The following FOXN3 variants were observed in gnomAD, a reference collection of about 807,000 sequenced individuals.
FOXN3 encodes the protein forkhead box protein N3.
In FOXN3, 7 loss-of-function variants were observed where a neutral mutation model predicts 38.4. The ratio of observed to expected loss-of-function variants is 0.18; its 90% CI spans 0.10 to 0.34. The LOEUF (loss-of-function observed/expected upper bound fraction) is 0.34, where lower values mean the gene tolerates loss of function less well. Ranked by LOEUF, FOXN3 falls within the 10% of genes least tolerant of loss-of-function variation. The pLI is 1.00. For synonymous variants in FOXN3, 230 were observed against 242.2 expected (o/e 0.95, Z 0.47); for missense variants, 456 against 613.4 (o/e 0.74, Z 2.71).
intron 5 of FOXN3, among the ~76,000 whole-genome samples, chr14:89,178,889 G>A (rs2139793364): frequency 6.6e-6 from 1 of 152,320 alleles, no homozygotes; most frequent in East Asian, 1.9e-4. Context: ...TAAACTGTAA[G>A]TCTATATTTA....
Position 89,548,824 on chromosome 14 carries a change from G to A in FOXN3, c.-15+70204C>T, listed in dbSNP as rs1341038296. On this transcript the variant is annotated intron_variant, in intron 1 of 6. Coordinates refer to the FOXN3 transcript ENST00000345097. The surrounding 1 kb of genome is among the most constrained non-coding windows in gnomAD (Gnocchi z 4.8). Reference sequence around the variant, plus strand: ...GAGAAATATCAGAACAAGGTATTCAGTTTTTTATAATGTGCCGGGCGCGGT... The same window carrying A: ...GAGAAATATCAGAACAAGGTATTCAATTTTTTATAATGTGCCGGGCGCGGT... Among the ~76,000 whole-genome samples, 1 of 152,138 alleles carries A rather than the reference G, an allele frequency of 6.6e-6. No homozygotes were observed. The highest frequency in any genetic ancestry group is 1.5e-5 in the Non-Finnish European group (1 of 68,020).
intron 3 of FOXN3, among the ~76,000 whole-genome samples, chr14:89,319,028 G>A (rs1033015942): frequency 6.6e-6 from 1 of 152,226 alleles, no homozygotes; most frequent in Admixed American, 6.5e-5. Context: ...AGGGGCCTGG[G>A]CCCAAGAGGA....
chr14:89,318,928 G>A (rs527979486), intron 3 of FOXN3, among the ~76,000 whole-genome samples: 26 of 152,362 alleles, frequency 1.7e-4, no homozygotes, highest in South Asian at 1.7e-3. Flanking sequence ...AATGGAGAAC[G>A]GAGGCAGAAA....
chr14:89,583,540 T>TTC (rs920333788), intron 1 of FOXN3, among the ~76,000 whole-genome samples: 3 of 151,884 alleles, frequency 2.0e-5, no homozygotes, highest in African/African-American at 4.8e-5. Flanking sequence ...AATTTGTGTG[T>TTC]TCTCTCTCTC....
intron 1 of FOXN3, among the ~76,000 whole-genome samples, chr14:89,518,525 C>T (rs1265182896): frequency 1.3e-5 from 2 of 152,214 alleles, no homozygotes; most frequent in African/African-American, 4.8e-5. Context: ...TATCCTTATA[C>T]TGTGTTCTCC....
At chr14:89,280,929 G>T (rs1440586009) in intron 4 of FOXN3, 21 bp downstream of exon 4, 18 of 1,606,204 alleles carry the variant, frequency 1.1e-5, no homozygotes, top group Non-Finnish European at 1.5e-5. Flanking sequence ...GGGAGAGGAA[G>T]GGGTGTTACT....
intron 1 of FOXN3, among the ~76,000 whole-genome samples, chr14:89,606,510 A>C (rs1896279644): frequency 6.6e-6 from 1 of 152,246 alleles, no homozygotes; most frequent in African/African-American, 2.4e-5. Context: ...ACGCCTGAAC[A>C]TATGTATCTA....
intron 1 of FOXN3, among the ~76,000 whole-genome samples, chr14:89,598,713 T>C (rs754014784): frequency 2.0e-5 from 3 of 152,256 alleles, no homozygotes; most frequent in Admixed American, 6.5e-5. Flanking sequence ...TGACATCTAT[T>C]GTTCCAGTTC....
rs1446165840 is a variant in FOXN3, at chr14:89,158,981, A to C, written c.*3433T>G. On this transcript the variant is annotated 3_prime_UTR_variant, in exon 6 of 6. Coordinates refer to ENST00000557258, the MANE Select transcript of FOXN3 (RefSeq NM_005197.4). ...CACACCTCTTAATGGTGTTCAGGCG[A>C]TCTGTCAGACTAATGGATACATATG... The C allele has an allele frequency of 6.6e-6, 1 of 152,532 alleles. No homozygotes were observed. Among genetic ancestry groups the C allele is most frequent in the Non-Finnish European group, 1.5e-5 (1 of 68,044 alleles). The allele number at this position is 152,532 out of a possible 1,614,324, so 9.4% of individuals were successfully genotyped here. A position where few individuals can be genotyped will look rare whatever the true frequency, so the allele number is the denominator to read the frequency against.
intron 4 of FOXN3, chr14:89,185,633 A>G (rs1001206204): frequency 7.9e-5 from 12 of 152,300 alleles, no homozygotes; most frequent in Non-Finnish European, 1.6e-4. Flanking sequence ...GGCTCTCTCC[A>G]GACAAGGCCC....
intron 4 of FOXN3, among the ~76,000 whole-genome samples, chr14:89,268,030 TACACACACAC>T (rs1043910537): frequency 6.6e-6 from 1 of 152,022 alleles, no homozygotes; most frequent in Admixed American, 6.6e-5. Context: ...TACACACACA[TACACACACAC>T]ATGCTCATCA....
At chr14:89,276,712 G>T (rs920730805) in intron 4 of FOXN3, among the ~76,000 whole-genome samples, 1 of 152,230 alleles carries the variant, frequency 6.6e-6, no homozygotes, top group Non-Finnish European at 1.5e-5. Context: ...AATGCTTGCA[G>T]GTGGGGTGGG....
Position 89,339,079 on chromosome 14 carries a change from C to A in FOXN3, c.680+11593G>T, listed in dbSNP as rs1411382414. 2.0e-5 allele frequency among the ~76,000 whole-genome samples: 3 copies of A among 152,156 alleles called. No homozygotes were observed. In the East Asian group the frequency reaches 5.8e-4, roughly 29 times the overall value. ...GCAACGGTGCGATCTCGGCTCACTGCAACCTCTGCCTCCTGGGTGAGTTGC... is the reference window on the plus strand; with the variant it reads ...GCAACGGTGCGATCTCGGCTCACTGAAACCTCTGCCTCCTGGGTGAGTTGC... On this transcript the variant is annotated intron_variant, in intron 3 of 5. Transcript: ENST00000557258.
intron 1 of FOXN3, among the ~76,000 whole-genome samples, chr14:89,542,576 A>T (rs1894812148): frequency 6.6e-6 from 1 of 152,324 alleles, no homozygotes; most frequent in South Asian, 2.1e-4. Flanking sequence ...TCTCTACCAA[A>T]CCACAAACTA....
intron 1 of FOXN3, among the ~76,000 whole-genome samples, chr14:89,482,909 GA>G (rs10671899): frequency 4.2e-5 from 6 of 144,080 alleles, no homozygotes; most frequent in Admixed American, 1.4e-4. Flanking sequence ...GACCCTGTAT[GA>G]AAAAAAAAAA....
chr14:89,344,317 A>G (rs2140001002), intron 3 of FOXN3, among the ~76,000 whole-genome samples: 1 of 152,118 alleles, frequency 6.6e-6, no homozygotes, highest in Non-Finnish European at 1.5e-5. Flanking sequence ...CTAACACCCA[A>G]TCATGGTCAA....
At chr14:89,555,262 G>A (rs1895093991) in intron 1 of FOXN3, among the ~76,000 whole-genome samples, 1 of 152,090 alleles carries the variant, frequency 6.6e-6, no homozygotes, top group Admixed American at 6.6e-5. Flanking sequence ...ATCAAGAAAT[G>A]GAACTGCTTG....
upstream of FOXN3, chr14:89,417,859 TACAAG>T (rs1215028446): frequency 1.9e-5 from 8 of 429,410 alleles, no homozygotes; most frequent in Admixed American, 7.4e-5. Flanking sequence ...CGGTGGCCAT[TACAAG>T]ACAAGAGGCA....
chr14:89,169,309 T>C (rs756726570), intron 5 of FOXN3, among the ~76,000 whole-genome samples: 2 of 151,996 alleles, frequency 1.3e-5, no homozygotes, highest in Admixed American at 6.6e-5. Context: ...AACATGGTGG[T>C]GCATGCCTGT....
Sources: allele counts gnomAD v4.1 joint callset (sites outside exome capture counted in the v4.1 genomes callset), GRCh38; gene constraint gnomAD v4.1.1; non-coding constraint Gnocchi (gnomAD v3.1); transcripts MANE v1.5; gene names NCBI Gene and HGNC (gene_info 2026-07-23, HGNC 2026-07-21).